The following ROBO1 variants were observed in gnomAD, a reference collection of about 807,000 sequenced individuals.
ROBO1 encodes roundabout homolog 1.
A neutral mutation model predicts 195.9 loss-of-function variants in ROBO1; 149 were observed. The observed-to-expected ratio is 0.76, with a 90% CI of 0.67 to 0.87. The LOEUF is 0.87. ROBO1 is among the 40% of genes least tolerant of loss of function. The probability of loss-of-function intolerance (pLI) is 0.00; values close to 1 mark genes in which losing one functional copy is unlikely to be tolerated. For missense variants in ROBO1, 1,933 were observed against 2,068.3 expected, an observed-to-expected ratio of 0.93 and a Z score of 1.27; for synonymous variants, 816 against 733.2, an observed-to-expected ratio of 1.11 and a Z score of -1.82.
At chr3:79,583,450 G>T (rs9846368) in intron 2 of ROBO1, among the ~76,000 whole-genome samples, 26,334 of 151,696 alleles carry the variant, frequency 0.17, 3,178 homozygotes, top group African/African-American at 0.34. Context: ...CTATAGTACA[G>T]CAGATAAATA....
At chr3:78,997,409 T>A (rs17314322) in intron 3 of ROBO1, among the ~76,000 whole-genome samples, 2 of 152,108 alleles carry the variant, frequency 1.3e-5, no homozygotes, top group East Asian at 1.9e-4. Context: ...AGTAGAGTGG[T>A]GATCCATTCT....
chr3:79,287,523 G>A (rs2031960612), intron 2 of ROBO1, among the ~76,000 whole-genome samples: 1 of 152,124 alleles, frequency 6.6e-6, no homozygotes, highest in Admixed American at 6.5e-5. Flanking sequence ...CCCTTCACAA[G>A]TGTGTTTTGC....
In ROBO1 at chr3:78,763,484, T is replaced by A. The variant is rs561092315; in HGVS notation, c.500-16584A>T. On this transcript the variant is annotated intron_variant, in intron 4 of 30. Coordinates refer to ENST00000464233, the MANE Select transcript of ROBO1 (RefSeq NM_002941.4). ...ATATTATAATCAAATTTGAAATGTA[T>A]TTTGAAGCAACTGTAACTTTTAGCT... Among the ~76,000 whole-genome samples the A allele has an allele frequency of 8.5e-5, 13 of 152,272 alleles. No individual in the cohort carries two copies. In the East Asian group the frequency reaches 2.5e-3, roughly 29 times the overall value.
At chr3:79,124,640 C>T (rs1182327227) in intron 3 of ROBO1, among the ~76,000 whole-genome samples, 1 of 152,120 alleles carries the variant, frequency 6.6e-6, no homozygotes, top group African/African-American at 2.4e-5. Context: ...ACTGTGTTAA[C>T]AAGGACCAAT....
rs373084725 is a variant in ROBO1, at chr3:79,125,529, A to G, written c.99T>C (p.Asp33=). 4.3e-6 allele frequency: 7 copies of G among 1,613,392 alleles called. No individual in the cohort carries two copies. Among genetic ancestry groups the G allele is most frequent in the African/African-American group, 4.0e-5 (3 of 74,892 alleles). ...FLAQLIPDPE[D]VERGNDHGTP... is the part of the protein sequence containing the mutation. ...TCCCGTGGTCGTTCCCCCTCTCTAC[A>G]TCTTCAGGGTCTGTCGGAAACAACA... Residue 33 remains aspartate, a synonymous_variant, in exon 3 of 31, where the codon GAT becomes GAC. Transcript: ENST00000464233.
intron 1 of ROBO1, among the ~76,000 whole-genome samples, chr3:79,664,634 C>G (rs564954735): frequency 6.6e-6 from 1 of 152,058 alleles, no homozygotes; most frequent in Non-Finnish European, 1.5e-5. Context: ...TCTCAGAGCA[C>G]GTCCTGTGGG....
intron 2 of ROBO1, among the ~76,000 whole-genome samples, chr3:79,475,936 G>A (rs1234282465): frequency 2.0e-5 from 3 of 151,834 alleles, no homozygotes; most frequent in Admixed American, 6.6e-5. Flanking sequence ...TGAAGCCTTT[G>A]GATCTCCTTT....
intron 4 of ROBO1, among the ~76,000 whole-genome samples, chr3:78,789,771 T>A (rs140930415): frequency 6.6e-6 from 1 of 152,166 alleles, no homozygotes; most frequent in East Asian, 1.9e-4. Flanking sequence ...GACTTTTAGT[T>A]CATTAATCTA....
At chr3:79,525,959 C>G (rs1488654185) in intron 2 of ROBO1, among the ~76,000 whole-genome samples, 1 of 152,074 alleles carries the variant, frequency 6.6e-6, no homozygotes, top group East Asian at 1.9e-4. Context: ...TTAATTTTCT[C>G]TCTTAAAGAT....
Position 79,125,515 on chromosome 3 carries a change from T to C in ROBO1, c.113A>G (p.Asn38Ser), listed in dbSNP as rs2080199442. 1.1e-5 allele frequency: 17 copies of C among 1,613,614 alleles called. No individual in the cohort carries two copies. The highest frequency in any genetic ancestry group is 1.4e-5 in the Non-Finnish European group (17 of 1,179,754). The change falls in exon 3 of 31, where the codon AAC (asparagine) becomes AGC (serine). Residue 38 changes from asparagine (N) to serine (S), a missense_variant. Transcript: ENST00000464233. ...IPDPEDVERGNDHGTPIPTSD... is the reference protein window; with the variant it reads ...IPDPEDVERGSDHGTPIPTSD... ...GGTGGGGATTGGCGTCCCGTGGTCG[T>C]TCCCCCTCTCTACATCTTCAGGGTC...
intron 2 of ROBO1, among the ~76,000 whole-genome samples, chr3:79,359,662 G>A (rs1040279565): frequency 4.0e-5 from 6 of 151,780 alleles, no homozygotes; most frequent in Admixed American, 1.3e-4. Flanking sequence ...ACCAATTATC[G>A]AAGCCTCAGT....
Position 78,598,818 on chromosome 3 carries a change from G to T in ROBO1, c.*95C>A, listed in dbSNP as rs1702993183. The T allele has an allele frequency of 2.7e-6, 2 of 742,508 alleles. No homozygotes were observed. The highest frequency in any genetic ancestry group is 4.5e-6 in the Non-Finnish European group (2 of 448,834). The allele number at this position is 742,508 out of a possible 1,614,324, so 46.0% of individuals were successfully genotyped here. ...AAACGACAATTTGTACACTCTGATT[G>T]CACTGAACATTTTATCTGGCGTCAT... On this transcript the variant is annotated 3_prime_UTR_variant, in exon 31 of 31. Transcript: ENST00000464233.
At chr3:79,643,026 G>A (rs985959754) in intron 1 of ROBO1, among the ~76,000 whole-genome samples, 4 of 151,410 alleles carry the variant, frequency 2.6e-5, no homozygotes, top group African/African-American at 9.7e-5. Context: ...TTGAATCAGT[G>A]GACTGGGAGA....
At chr3:78,687,247 T>G (rs1162707704) in intron 9 of ROBO1, among the ~76,000 whole-genome samples, 1 of 152,214 alleles carries the variant, frequency 6.6e-6, no homozygotes, top group African/African-American at 2.4e-5. Flanking sequence ...TAAAATGCAC[T>G]TAAAATTCTT....
intron 4 of ROBO1, among the ~76,000 whole-genome samples, chr3:78,760,950 T>C (rs561363626): frequency 1.4e-4 from 22 of 152,282 alleles, no homozygotes; most frequent in Middle Eastern, 3.4e-3. Context: ...CTTTGATATG[T>C]TCTTTTTTAA....
intron 2 of ROBO1, among the ~76,000 whole-genome samples, chr3:79,262,435 T>C (rs1312540454): frequency 6.6e-6 from 1 of 152,098 alleles, no homozygotes; most frequent in African/African-American, 2.4e-5. Context: ...AAATTGCTAA[T>C]CTGCATTTGA....
At chr3:78,657,946 C>T (rs189083793) in intron 17 of ROBO1, among the ~76,000 whole-genome samples, 64 of 152,326 alleles carry the variant, frequency 4.2e-4, no homozygotes, top group African/African-American at 1.4e-3. Flanking sequence ...ACTATATTAT[C>T]AATGAGAGAC....
At chr3:79,024,735 G>T (rs2108285113) in intron 3 of ROBO1, among the ~76,000 whole-genome samples, 1 of 152,232 alleles carries the variant, frequency 6.6e-6, no homozygotes, top group East Asian at 1.9e-4. Context: ...TGACTACTGT[G>T]GTTATATCTC....
At chr3:78,955,837 T>C (rs755727210) in intron 3 of ROBO1, among the ~76,000 whole-genome samples, 4 of 152,152 alleles carry the variant, frequency 2.6e-5, no homozygotes, top group Non-Finnish European at 5.9e-5. Context: ...GAAATCCCTA[T>C]AGGAATGCTG....
Sources: gnomAD v4.1 joint callset for allele counts (sites outside exome capture counted in the v4.1 genomes callset) on GRCh38, gnomAD v4.1.1 for gene constraint, MANE v1.5 for transcripts, NCBI Gene and HGNC (gene_info 2026-07-23, HGNC 2026-07-21) for gene names.